HS3ST3A1: variants seen among roughly 807,000 people sequenced by gnomAD.
HS3ST3A1 encodes the protein heparan sulfate glucosamine 3-O-sulfotransferase 3A1.
HS3ST3A1 carries 19 observed loss-of-function variants against 25.7 expected under a neutral mutation model. The observed-to-expected ratio is 0.74, with a 90% CI of 0.52 to 1.08. The LOEUF (loss-of-function observed/expected upper bound fraction) is 1.08. Among genes scored for constraint, HS3ST3A1 ranks in the 50% least tolerant of loss-of-function variants. HS3ST3A1 has a pLI of 0.00. For missense variants in HS3ST3A1, 459 were observed against 594.3 expected, an observed-to-expected ratio of 0.77 and a Z score of 2.37; for synonymous variants, 226 against 278.6, an observed-to-expected ratio of 0.81 and a Z score of 1.88.
chr17:13,564,719 CTT>C (rs397812904), intron 1 of HS3ST3A1, among the ~76,000 whole-genome samples: 14 of 124,270 alleles, frequency 1.1e-4, no homozygotes, highest in African/African-American at 1.5e-4. Context: ...GACTTCTTTC[CTT>C]TTTTTTTTTT....
chr17:13,599,531 T>C (rs1371125588), intron 1 of HS3ST3A1, among the ~76,000 whole-genome samples: 1 of 152,098 alleles, frequency 6.6e-6, no homozygotes, highest in East Asian at 1.9e-4. Context: ...ATGAACAAGA[T>C]AAACTTTATA....
Position 13,495,892 on chromosome 17 carries a change from T to G in HS3ST3A1, c.*305A>C, listed in dbSNP as rs990452310. On this transcript the variant is annotated 3_prime_UTR_variant, in exon 2 of 2. Coordinates refer to ENST00000284110, the MANE Select transcript of HS3ST3A1 (RefSeq NM_006042.3). ...AAAAAAGAGAGAGAGATGTTTAACC[T>G]CAAGATTTTCTGAAAACTTTTAATG... The G allele has an allele frequency of 4.2e-6, 1 of 238,074 alleles. No homozygotes were observed. The highest frequency in any genetic ancestry group is 8.0e-6 in the Non-Finnish European group (1 of 125,688). The allele number at this position is 238,074 out of a possible 1,614,324, so 14.7% of individuals were successfully genotyped here.
intron 1 of HS3ST3A1, among the ~76,000 whole-genome samples, chr17:13,551,608 A>T (rs912570448): frequency 3.9e-4 from 39 of 99,980 alleles, no homozygotes; most frequent in Admixed American, 1.8e-3. Flanking sequence ...AATAAATTTC[A>T]TTCCAAGAAA....
At chr17:13,539,753 C>G (rs563785843) in intron 1 of HS3ST3A1, among the ~76,000 whole-genome samples, 115 of 152,296 alleles carry the variant, frequency 7.6e-4, no homozygotes, top group Admixed American at 3.7e-3. Context: ...GGAAAAGGAA[C>G]ATGTCAGTGA....
At position 13,601,366 on chromosome 17, in the gene HS3ST3A1, G is replaced by C. The variant is rs997587279; in HGVS notation, c.-237C>G. 2 of 482,528 alleles carry C rather than the reference G, an allele frequency of 4.1e-6. No homozygotes were observed. Among genetic ancestry groups the C allele is most frequent in the African/African-American group, 4.1e-5 (2 of 48,566 alleles). The allele number at this position is 482,528 out of a possible 1,614,324, so 29.9% of individuals were successfully genotyped here. A position where few individuals can be genotyped will look rare whatever the true frequency, so the allele number is the denominator to read the frequency against. On this transcript the variant is annotated 5_prime_UTR_variant, in exon 1 of 2. Coordinates refer to ENST00000284110, the MANE Select transcript of HS3ST3A1 (RefSeq NM_006042.3). ...TCGAGGGAGCGGGAAGGGGAACGCG[G>C]GTCCGTGCTTAAGAAACCATCGTCT...
At chr17:13,556,100 A>T (rs1417207371) in intron 1 of HS3ST3A1, 3 of 152,218 alleles carry the variant, frequency 2.0e-5, no homozygotes, top group Non-Finnish European at 4.4e-5. Context: ...TTAAAGGATG[A>T]CACCTAGGGC....
intron 1 of HS3ST3A1, among the ~76,000 whole-genome samples, chr17:13,575,898 T>A (rs1907936772): frequency 6.6e-6 from 1 of 152,240 alleles, no homozygotes. Flanking sequence ...TCACGGCAAG[T>A]CTTTCTGGAA....
chr17:13,499,179 T>C (rs1419233522), intron 1 of HS3ST3A1, among the ~76,000 whole-genome samples: 1 of 152,206 alleles, frequency 6.6e-6, no homozygotes, highest in African/African-American at 2.4e-5. Flanking sequence ...GAGACACACA[T>C]TGGCATAACC....
At chr17:13,568,459 T>C (rs1907728207) in intron 1 of HS3ST3A1, among the ~76,000 whole-genome samples, 1 of 152,248 alleles carries the variant, frequency 6.6e-6, no homozygotes, top group African/African-American at 2.4e-5. Flanking sequence ...CTGCAGTTTA[T>C]CCTTCCTATT....
chr17:13,502,909 GGT>G (rs1905528555), intron 1 of HS3ST3A1, among the ~76,000 whole-genome samples: 1 of 151,460 alleles, frequency 6.6e-6, no homozygotes, highest in Non-Finnish European at 1.5e-5. Flanking sequence ...GGCCAGGGGT[GGT>G]GGCTCACGCC....
intron 1 of HS3ST3A1, among the ~76,000 whole-genome samples, chr17:13,525,556 C>CT (rs1197112945): frequency 6.6e-6 from 1 of 152,144 alleles, no homozygotes; most frequent in Non-Finnish European, 1.5e-5. Flanking sequence ...CTCAGTTAAC[C>CT]TTTTCAAATT....
chr17:13,569,064 G>T (rs560636940), intron 1 of HS3ST3A1, among the ~76,000 whole-genome samples: 4 of 152,170 alleles, frequency 2.6e-5, no homozygotes, highest in Non-Finnish European at 4.4e-5. Context: ...AGGTCAAGGA[G>T]CATGGAGCGT....
Position 13,601,061 on chromosome 17 carries a change from C to A in HS3ST3A1, c.69G>T (p.Arg23=). 1 of 1,599,062 alleles carries A rather than the reference C, an allele frequency of 6.3e-7. No homozygotes were observed. The highest frequency in any genetic ancestry group is 8.5e-7 in the Non-Finnish European group (1 of 1,173,614). The change falls in exon 1 of 2, where the codon CGG becomes CGT. Residue 23 remains arginine (R), a synonymous_variant. Transcript: ENST00000284110. ...GGGAGCAGAGCATCAGCAAGAACTT[C>A]CGGAAGATGCTGCGGGACAGCGGCT... is the stretch of plus-strand genomic sequence containing the variant. ...SAEPLSRSIF[R]KFLLMLCSLL...
chr17:13,591,661 CT>C (rs34995100), intron 1 of HS3ST3A1, among the ~76,000 whole-genome samples: 27,746 of 141,842 alleles, frequency 0.2, 3,274 homozygotes, highest in African/African-American at 0.38. Context: ...TTTTCTTCTT[CT>C]TTTTTTTTTT....
chr17:13,523,982 A>G (rs1598413543), intron 1 of HS3ST3A1, among the ~76,000 whole-genome samples: 1 of 152,150 alleles, frequency 6.6e-6, no homozygotes, highest in East Asian at 1.9e-4. Flanking sequence ...TACATCACTG[A>G]CTGTACAAAC....
At chr17:13,598,740 G>A (rs1187581527) in intron 1 of HS3ST3A1, among the ~76,000 whole-genome samples, 1 of 151,542 alleles carries the variant, frequency 6.6e-6, no homozygotes, top group Non-Finnish European at 1.5e-5. Flanking sequence ...CCCCTTACAG[G>A]AGCTCAGAAA....
At chr17:13,508,038 A>G (rs1245388419) in intron 1 of HS3ST3A1, among the ~76,000 whole-genome samples, 2 of 152,242 alleles carry the variant, frequency 1.3e-5, no homozygotes, top group South Asian at 2.1e-4. Flanking sequence ...TCTGTGGGAG[A>G]GGAAGACTTA....
intron 1 of HS3ST3A1, among the ~76,000 whole-genome samples, chr17:13,546,908 C>T (rs113545254): frequency 1.0e-3 from 159 of 151,940 alleles, no homozygotes; most frequent in Non-Finnish European, 1.6e-3. Flanking sequence ...AATCTTTACT[C>T]TAAAACTTTT....
At chr17:13,506,561 A>T (rs1466186815) in intron 1 of HS3ST3A1, among the ~76,000 whole-genome samples, 1 of 152,248 alleles carries the variant, frequency 6.6e-6, no homozygotes, top group Non-Finnish European at 1.5e-5. Flanking sequence ...GAAAGAATGC[A>T]GTTCAAATAA....
Sources: allele counts gnomAD v4.1 joint callset (sites outside exome capture counted in the v4.1 genomes callset), GRCh38; gene constraint gnomAD v4.1.1; transcripts MANE v1.5; gene names NCBI Gene and HGNC (gene_info 2026-07-23, HGNC 2026-07-21).